Variants in EYS observed in about 807,000 individuals in gnomAD.
EYS encodes protein eyes shut homolog.
Under a neutral mutation model 282.1 loss-of-function variants are expected in EYS, and 250 were observed. The observed-to-expected ratio is 0.89, with a 90% CI of 0.80 to 0.98. The LOEUF is 0.98. Ranked by LOEUF, EYS falls within the 50% of genes least tolerant of loss-of-function variation. EYS has a pLI of 0.00. For synonymous variants in EYS, 1,355 were observed against 1,282.9 expected (o/e 1.06, Z -1.20); for missense variants, 4,016 against 3,709.0 (o/e 1.08, Z -2.15).
At chr6:64,797,507 G>A (rs1040081644) in intron 22 of EYS, among the ~76,000 whole-genome samples, 1 of 151,768 alleles carries the variant, frequency 6.6e-6, no homozygotes, top group African/African-American at 2.4e-5. Flanking sequence ...ATTATATTGT[G>A]TTTTAAAATA....
chr6:65,384,250 C>T (rs1582220647), intron 8 of EYS, 136 bp downstream of exon 8: 3 of 634,302 alleles, frequency 4.7e-6, no homozygotes, highest in East Asian at 5.6e-5. Flanking sequence ...CTAAGCTTTA[C>T]ATAACTCACA....
rs58326040 is a variant in EYS at position 65,506,460 on chromosome 6, C to CTTTTTTTTTTTTT, written c.-332-10480_-332-10468dup. ...GGTTTACAATATCCTTCCTTCCTTTCTTTTTTTTTTTTTTTTTTTTTTTTT... is the reference window on the plus strand; with the variant it reads ...GGTTTACAATATCCTTCCTTCCTTTCTTTTTTTTTTTTTTTTTTTTTTTTTTTTTTTTTTTTTT... On this transcript the variant is annotated intron_variant, in intron 2 of 42. Transcript: ENST00000503581. Among the ~76,000 whole-genome samples, 91 of 64,892 alleles carry CTTTTTTTTTTTTT rather than the reference C, an allele frequency of 1.4e-3. 5 individuals are homozygous for CTTTTTTTTTTTTT. Among genetic ancestry groups the CTTTTTTTTTTTTT allele is most frequent in the Non-Finnish European group, 2.1e-3 (74 of 35,808 alleles). The allele number at this position is 64,892 out of a possible 152,430, so 42.6% of individuals were successfully genotyped here. A position where few individuals can be genotyped will look rare whatever the true frequency, so the allele number is the denominator to read the frequency against.
At chr6:64,250,785 C>A (rs930357308) in intron 30 of EYS, among the ~76,000 whole-genome samples, 3 of 151,932 alleles carry the variant, frequency 2.0e-5, no homozygotes, top group African/African-American at 7.3e-5. Flanking sequence ...CACATAGGGC[C>A]CTCTATTAAT....
chr6:64,366,547 G>A (rs1469807085), intron 29 of EYS, among the ~76,000 whole-genome samples: 1 of 151,992 alleles, frequency 6.6e-6, no homozygotes, highest in Non-Finnish European at 1.5e-5. Context: ...AAAATAAATT[G>A]ATATCTAAGA....
intron 2 of EYS, among the ~76,000 whole-genome samples, chr6:65,598,521 T>C (rs1054776628): frequency 6.6e-6 from 1 of 152,108 alleles, no homozygotes; most frequent in Non-Finnish European, 1.5e-5. Flanking sequence ...GTTGCCTACA[T>C]GCAGCAGAAT....
rs111257033 is a variant in EYS at position 64,190,575 on chromosome 6, A to C, written c.6424+40017T>G. ...GATGCCAATTTAAAATTTCTGAGGTAAAACCTAGCTCTTCTCACTTCATAA... is the reference window on the plus strand; with the variant it reads ...GATGCCAATTTAAAATTTCTGAGGTCAAACCTAGCTCTTCTCACTTCATAA... On this transcript the variant is annotated intron_variant, in intron 31 of 42. Coordinates refer to ENST00000503581, the MANE Select transcript of EYS (RefSeq NM_001142800.2). Among the ~76,000 whole-genome samples, 49 of 152,308 alleles carry C rather than the reference A, an allele frequency of 3.2e-4. 1 individual carries two copies. The highest frequency in any genetic ancestry group is 1.1e-3 in the African/African-American group (44 of 41,578).
At chr6:64,090,524 C>G (rs1057022927) in intron 31 of EYS, among the ~76,000 whole-genome samples, 1 of 152,072 alleles carries the variant, frequency 6.6e-6, no homozygotes, top group Non-Finnish European at 1.5e-5. Context: ...ACTGCATAGT[C>G]CATTTTTTTT....
chr6:65,524,258 G>A (rs1033492197), intron 2 of EYS, among the ~76,000 whole-genome samples: 2 of 152,132 alleles, frequency 1.3e-5, no homozygotes, highest in African/African-American at 4.8e-5. Context: ...TCAGAGGCAT[G>A]AGGAGTCCAA....
At chr6:64,376,745 C>T (rs140678491) in intron 29 of EYS, among the ~76,000 whole-genome samples, 192 of 152,210 alleles carry the variant, frequency 1.3e-3, no homozygotes, top group Non-Finnish European at 1.1e-3. Context: ...AAAGTAGATT[C>T]GTCATTTGAG....
At chr6:63,847,857 CT>C (rs1330116585) in intron 36 of EYS, among the ~76,000 whole-genome samples, 6 of 152,130 alleles carry the variant, frequency 3.9e-5, no homozygotes, top group African/African-American at 1.4e-4. Flanking sequence ...TTTTGTGGCT[CT>C]TTGTCAAATG....
chr6:64,113,022 G>C (rs1326602753), intron 31 of EYS, among the ~76,000 whole-genome samples: 1 of 151,930 alleles, frequency 6.6e-6, no homozygotes, highest in East Asian at 1.9e-4. Flanking sequence ...CATTCTATCT[G>C]TTCCTTAAGG....
chr6:64,624,262 A>G (rs1035681527), intron 23 of EYS, among the ~76,000 whole-genome samples: 1 of 152,184 alleles, frequency 6.6e-6, no homozygotes, highest in Non-Finnish European at 1.5e-5. Context: ...ATCAACCTAC[A>G]GCAACAAAAC....
At chr6:64,389,329 C>A (rs1468661071) in intron 28 of EYS, among the ~76,000 whole-genome samples, 1 of 152,034 alleles carries the variant, frequency 6.6e-6, no homozygotes, top group East Asian at 1.9e-4. Flanking sequence ...ATGAATAAAT[C>A]AAATATAACT....
intron 24 of EYS, among the ~76,000 whole-genome samples, chr6:64,610,366 C>T (rs908271463): frequency 1.3e-5 from 2 of 151,426 alleles, no homozygotes; most frequent in African/African-American, 4.9e-5. Context: ...CATTATTTTA[C>T]CATACTCCAT....
chr6:64,439,345 A>G lies in EYS; in HGVS notation c.5652T>C (p.Ser1884=). Residue 1884 remains serine, a synonymous_variant, in exon 27 of 43, where the codon AGT becomes AGC. Coordinates refer to ENST00000503581, the MANE Select transcript of EYS (RefSeq NM_001142800.2). ...APQRLMISDF[S]CVRYYGDSYL... ...AAGAATCTCCATAATAACGAACACAACTGAAATCTGTGGAGTCAGAAAGAA... is the reference window on the plus strand; with the variant it reads ...AAGAATCTCCATAATAACGAACACAGCTGAAATCTGTGGAGTCAGAAAGAA... The G allele has an allele frequency of 6.7e-7, 1 of 1,494,216 alleles. No homozygotes were observed. Among genetic ancestry groups the G allele is most frequent in the Non-Finnish European group, 8.9e-7 (1 of 1,126,696 alleles). 92.6% of individuals were successfully genotyped at this position (1,494,216 alleles called of 1,614,324 possible).
At chr6:65,083,327 T>C (rs1774277170) in intron 12 of EYS, among the ~76,000 whole-genome samples, 1 of 152,022 alleles carries the variant, frequency 6.6e-6, no homozygotes, top group African/African-American at 2.4e-5. Flanking sequence ...TTAAACAGTG[T>C]ATTTTTCTCT....
chr6:64,125,601 C>T (rs779171018), intron 31 of EYS, among the ~76,000 whole-genome samples: 8 of 151,364 alleles, frequency 5.3e-5, no homozygotes, highest in Non-Finnish European at 7.4e-5. Context: ...CTGGCTAACA[C>T]GGTGAAACCC....
chr6:64,912,976 A>C (rs547733213), intron 15 of EYS, among the ~76,000 whole-genome samples: 17 of 152,216 alleles, frequency 1.1e-4, no homozygotes, highest in Non-Finnish European at 1.9e-4. Flanking sequence ...AGCATTAACA[A>C]ATTTCTAACA....
rs1455727493 is a variant in EYS, at chr6:64,439,207, T to C, written c.5790A>G (p.Val1930=). 6.8e-7 allele frequency: 1 copy of C among 1,475,816 alleles called. No individual in the cohort carries two copies. The highest frequency in any genetic ancestry group is 1.5e-5 in the African/African-American group (1 of 68,808). The allele number at this position is 1,475,816 out of a possible 1,614,324, so 91.4% of individuals were successfully genotyped here. ...LLYVKQDSNL[V]DGFFIQLFIE... Reference sequence around the variant, plus strand: ...TAAACAATTGAATAAAAAATCCATCTACTAAATTTGAGTCTTGCTTGACAT... The same window carrying C: ...TAAACAATTGAATAAAAAATCCATCCACTAAATTTGAGTCTTGCTTGACAT... Residue 1930 remains valine (V), a synonymous_variant, in exon 27 of 43, where the codon GTA becomes GTG. Transcript: ENST00000503581.
Sources: allele counts gnomAD v4.1 joint callset (sites outside exome capture counted in the v4.1 genomes callset), GRCh38; gene constraint gnomAD v4.1.1; transcripts MANE v1.5; gene names NCBI Gene and HGNC (gene_info 2026-07-23, HGNC 2026-07-21).